TMCC1: variants seen among roughly 807,000 people sequenced by gnomAD.
TMCC1 encodes transmembrane and coiled-coil domain family 1, also known as transmembrane and coiled-coil domains protein 1.
In TMCC1, 15 loss-of-function variants were observed where a neutral mutation model predicts 52.4. The ratio of observed to expected loss-of-function variants is 0.29; its 90% confidence interval spans 0.19 to 0.44. The LOEUF is 0.44. Among genes scored for constraint, TMCC1 ranks in the 20% least tolerant of loss-of-function variants. The pLI is 1.00. For synonymous variants in TMCC1, 279 were observed against 301.9 expected, an observed-to-expected ratio of 0.92 and a Z score of 0.79; for missense variants, 503 against 806.0, an observed-to-expected ratio of 0.62 and a Z score of 4.55.
chr3:129,659,951 T>C (rs1391264928), intron 5 of TMCC1, among the ~76,000 whole-genome samples: 1 of 152,208 alleles, frequency 6.6e-6, no homozygotes, highest in East Asian at 1.9e-4. Flanking sequence ...AGACATCAAA[T>C]ACCTGGCACA....
intron 2 of TMCC1, among the ~76,000 whole-genome samples, chr3:129,870,718 C>CGGGGGG (rs56383150): frequency 7.2e-5 from 1 of 13,902 alleles, no homozygotes; most frequent in Admixed American, 1.6e-3. Flanking sequence ...CGCGGGTTGG[C>CGGGGGG]GGGGGGGGGG....
chr3:129,782,917 A>C (rs2107729292), intron 4 of TMCC1, among the ~76,000 whole-genome samples: 1 of 152,314 alleles, frequency 6.6e-6, no homozygotes, highest in South Asian at 2.1e-4. Context: ...TTGTTTAAAC[A>C]CTCAGCGAAT....
intron 4 of TMCC1, among the ~76,000 whole-genome samples, chr3:129,705,129 G>A (rs551593464): frequency 1.2e-4 from 19 of 152,262 alleles, no homozygotes; most frequent in African/African-American, 4.1e-4. Context: ...CGAGTGCTGT[G>A]CAAATGGCAT....
At chr3:129,742,491 G>A (rs1364556660) in intron 4 of TMCC1, among the ~76,000 whole-genome samples, 1 of 152,022 alleles carries the variant, frequency 6.6e-6, no homozygotes, top group East Asian at 1.9e-4. Context: ...TAACCACCAA[G>A]GAAGTGTAAA....
intron 4 of TMCC1, among the ~76,000 whole-genome samples, chr3:129,677,530 C>A (rs1444888804): frequency 6.6e-6 from 1 of 152,148 alleles, no homozygotes; most frequent in Non-Finnish European, 1.5e-5. Flanking sequence ...CAAGTTAATT[C>A]CTGCTACAAA....
At chr3:129,852,340 C>G (rs1302608409) in intron 2 of TMCC1, among the ~76,000 whole-genome samples, 1 of 151,454 alleles carries the variant, frequency 6.6e-6, no homozygotes, top group Non-Finnish European at 1.5e-5. Flanking sequence ...GCCTGTAATC[C>G]CAGCTACTCA....
intron 4 of TMCC1, among the ~76,000 whole-genome samples, chr3:129,748,636 C>T (rs2052209252): frequency 6.6e-6 from 1 of 151,998 alleles, no homozygotes; most frequent in Non-Finnish European, 1.5e-5. Flanking sequence ...CTTTTAGGTA[C>T]AACTTCATAA....
At chr3:129,808,798 T>C (rs1216975807) in intron 4 of TMCC1, among the ~76,000 whole-genome samples, 1 of 145,976 alleles carries the variant, frequency 6.9e-6, no homozygotes, top group African/African-American at 2.5e-5. Flanking sequence ...AGTCAAGATA[T>C]CCAAAACAGA....
At chr3:129,688,209 G>T in intron 4 of TMCC1, 3 of 985,258 alleles carry the variant, frequency 3.0e-6, no homozygotes, top group Non-Finnish European at 2.4e-6. Flanking sequence ...TGCTGATTTT[G>T]CTTGCCACAA....
In TMCC1 at chr3:129,880,573, G is replaced by C. The variant is rs1046922578; in HGVS notation, c.-434-14C>G. ...AGAGATTAATACCTGCTGGGACAGA[G>C]AAGCAAGAAAAGGAGAAAGAACTAC... On this transcript the variant is annotated splice_polypyrimidine_tract_variant and intron_variant, in intron 1 of 6. Coordinates refer to ENST00000393238, the MANE Select transcript of TMCC1 (RefSeq NM_001017395.5). 6.6e-6 allele frequency: 1 copy of C among 152,130 alleles called. No individual in the cohort carries two copies. The highest frequency in any genetic ancestry group is 1.5e-5 in the Non-Finnish European group (1 of 68,026). The allele number at this position is 152,130 out of a possible 1,614,324, so 9.4% of individuals were successfully genotyped here. A position where few individuals can be genotyped will look rare whatever the true frequency, so the allele number is the denominator to read the frequency against.
Position 129,651,169 on chromosome 3 carries a change from C to A in TMCC1, c.*312G>T, listed in dbSNP as rs2086299685. ...GGTTTTAGTGCAGTCCTTCAAGCCACAATTTAGATTGCCCTTCGGTGTGCT... is the reference window on the plus strand; with the variant it reads ...GGTTTTAGTGCAGTCCTTCAAGCCAAAATTTAGATTGCCCTTCGGTGTGCT... On this transcript the variant is annotated 3_prime_UTR_variant, in exon 7 of 7. Coordinates refer to ENST00000393238, the MANE Select transcript of TMCC1 (RefSeq NM_001017395.5). This position sits in a 1 kb window ranked among gnomAD's most constrained non-coding sequence, Gnocchi z 5.1. 6.4e-6 allele frequency: 2 copies of A among 310,858 alleles called. No homozygotes were observed. The highest frequency in any genetic ancestry group is 1.2e-5 in the Non-Finnish European group (2 of 165,324). The allele number at this position is 310,858 out of a possible 1,614,324, so 19.3% of individuals were successfully genotyped here.
chr3:129,864,130 T>A (rs2060518940), intron 2 of TMCC1, among the ~76,000 whole-genome samples: 2 of 152,190 alleles, frequency 1.3e-5, no homozygotes, highest in South Asian at 4.1e-4. Context: ...TTTACTATAT[T>A]TTCCCTTTTT....
intron 4 of TMCC1, among the ~76,000 whole-genome samples, chr3:129,719,460 AGG>A (rs1267709660): frequency 6.6e-6 from 1 of 152,136 alleles, no homozygotes; most frequent in East Asian, 1.9e-4. Context: ...GAATCCAAGG[AGG>A]GGGCTGTGGA....
At chr3:129,726,658 C>G (rs539039571) in intron 4 of TMCC1, among the ~76,000 whole-genome samples, 1 of 151,546 alleles carries the variant, frequency 6.6e-6, no homozygotes, top group African/African-American at 2.4e-5. Context: ...GTGGGAGGAT[C>G]ACCTGAGGTC....
chr3:129,803,214 C>T (rs890557830), intron 4 of TMCC1, among the ~76,000 whole-genome samples: 1 of 152,184 alleles, frequency 6.6e-6, no homozygotes, highest in African/African-American at 2.4e-5. Context: ...TTACATGCAA[C>T]AACATGAATG....
intron 2 of TMCC1, chr3:129,847,538 T>C (rs529627498): frequency 6.6e-6 from 1 of 152,230 alleles, no homozygotes; most frequent in Admixed American, 6.5e-5. Flanking sequence ...TAGTATTCCA[T>C]TGTATAAATA....
chr3:129,807,991 A>G (rs1427551269), intron 4 of TMCC1, among the ~76,000 whole-genome samples: 1 of 152,000 alleles, frequency 6.6e-6, no homozygotes, highest in African/African-American at 2.4e-5. Context: ...GACTAGAGGA[A>G]AAGTGAGAGC....
At chr3:129,878,043 C>A (rs2107985476) in intron 2 of TMCC1, among the ~76,000 whole-genome samples, 1 of 152,058 alleles carries the variant, frequency 6.6e-6, no homozygotes, top group South Asian at 2.1e-4. Context: ...ACTGCAACCT[C>A]TACCTCCCAA....
At chr3:129,664,405 C>T (rs147435550) in intron 5 of TMCC1, among the ~76,000 whole-genome samples, 1 of 152,172 alleles carries the variant, frequency 6.6e-6, no homozygotes, top group African/African-American at 2.4e-5. Flanking sequence ...CAGCCTGTGC[C>T]TAATTGGGTC....
Sources: gnomAD v4.1 joint callset for allele counts (sites outside exome capture counted in the v4.1 genomes callset) on GRCh38, gnomAD v4.1.1 for gene constraint, Gnocchi (gnomAD v3.1) non-coding constraint, MANE v1.5 for transcripts, NCBI Gene and HGNC (gene_info 2026-07-23, HGNC 2026-07-21) for gene names.